Variants in CSMD1 observed in about 807,000 individuals in gnomAD.
CSMD1 encodes CUB and Sushi multiple domains 1.
CSMD1 carries 213 observed loss-of-function variants against 417.5 expected under a neutral mutation model. The ratio of observed to expected loss-of-function variants is 0.51; its 90% CI spans 0.46 to 0.57. The LOEUF (loss-of-function observed/expected upper bound fraction) is 0.57. CSMD1 is among the 20% of genes least tolerant of loss of function. The probability of loss-of-function intolerance (pLI) is 0.00; values close to 1 mark genes in which losing one functional copy is unlikely to be tolerated. For missense variants in CSMD1, 6,923 were observed against 4,529.7 expected (o/e 1.53, Z -15.17); for synonymous variants, 2,862 against 1,736.8 (o/e 1.65, Z -16.11).
At chr8:4,501,931 C>G (rs892164692) in intron 2 of CSMD1, among the ~76,000 whole-genome samples, 6 of 151,978 alleles carry the variant, frequency 3.9e-5, no homozygotes, top group Admixed American at 2.6e-4. Context: ...GGAACATACC[C>G]CCCTAGAATA....
chr8:3,226,758 G>A (rs1203442327), intron 27 of CSMD1, among the ~76,000 whole-genome samples: 2 of 152,020 alleles, frequency 1.3e-5, no homozygotes, highest in African/African-American at 4.8e-5. Context: ...CAACAGCAAT[G>A]GCAGGTGTTG....
At chr8:4,362,028 G>T (rs1353258296) in intron 3 of CSMD1, among the ~76,000 whole-genome samples, 1 of 151,954 alleles carries the variant, frequency 6.6e-6, no homozygotes, top group Non-Finnish European at 1.5e-5. Flanking sequence ...AGCAAGACAA[G>T]GATTAGAGGT....
intron 54 of CSMD1, 118 bp downstream of exon 54, chr8:2,997,893 A>G: frequency 3.2e-6 from 3 of 929,660 alleles, no homozygotes; most frequent in South Asian, 2.1e-5. Context: ...GAATGGTGAG[A>G]GTTTGCAGAA....
intron 3 of CSMD1, among the ~76,000 whole-genome samples, chr8:4,203,060 A>C (rs1799756363): frequency 6.6e-6 from 1 of 152,234 alleles, no homozygotes; most frequent in South Asian, 2.1e-4. Context: ...TGTGAGAGTT[A>C]AGGATTTTGA....
At chr8:3,836,294 A>G (rs1328087574) in intron 5 of CSMD1, among the ~76,000 whole-genome samples, 1 of 152,180 alleles carries the variant, frequency 6.6e-6, no homozygotes, top group Non-Finnish European at 1.5e-5. Context: ...TGAAGCTTGT[A>G]ACAAGTCAAA....
chr8:4,316,497 C>A lies in CSMD1; in HGVS notation c.415+103456G>T, dbSNP rs183148531. ...AAAACCTCAACGATTTTTGCACCAA[C>A]CTATACAAATAGAACTATTATTCCA... On this transcript the variant is annotated intron_variant, in intron 3 of 69. Transcript: ENST00000635120. Among the ~76,000 whole-genome samples the A allele has an allele frequency of 1.4e-3, 208 of 152,064 alleles. 2 individuals are homozygous for A. The highest frequency in any genetic ancestry group is 4.8e-3 in the African/African-American group (197 of 41,472).
intron 3 of CSMD1, among the ~76,000 whole-genome samples, chr8:4,120,900 T>G (rs1802449904): frequency 6.6e-6 from 1 of 152,116 alleles, no homozygotes; most frequent in Non-Finnish European, 1.5e-5. Flanking sequence ...ACCATGGAAT[T>G]TATTTAGGAA....
At chr8:4,822,900 C>T (rs1004645249) in intron 1 of CSMD1, among the ~76,000 whole-genome samples, 3 of 152,108 alleles carry the variant, frequency 2.0e-5, no homozygotes, top group African/African-American at 7.2e-5. Context: ...GAGAAGTGCA[C>T]TGTGTACTTT....
chr8:4,758,317 T>C (rs1287295419), intron 1 of CSMD1, among the ~76,000 whole-genome samples: 3 of 152,238 alleles, frequency 2.0e-5, no homozygotes, highest in African/African-American at 7.2e-5. Context: ...CTTAATTCGC[T>C]GGTTCTGATT....
intron 7 of CSMD1, among the ~76,000 whole-genome samples, chr8:3,667,896 T>C (rs958688728): frequency 6.6e-6 from 1 of 152,108 alleles, no homozygotes; most frequent in Non-Finnish European, 1.5e-5. Flanking sequence ...GGCCAGATCA[T>C]CAAAGACTCT....
chr8:4,351,912 G>C (rs900557232), intron 3 of CSMD1, among the ~76,000 whole-genome samples: 4 of 149,488 alleles, frequency 2.7e-5, no homozygotes, highest in African/African-American at 9.9e-5. Context: ...CCAAACTGTA[G>C]AAACACTGAC....
chr8:3,040,378 A>G (rs985915943), intron 50 of CSMD1, among the ~76,000 whole-genome samples: 3 of 111,866 alleles, frequency 2.7e-5, no homozygotes, highest in Non-Finnish European at 5.5e-5. Context: ...GATAGCATAT[A>G]CACATTGAAA....
At chr8:3,169,116 G>C (rs1467806751) in intron 37 of CSMD1, among the ~76,000 whole-genome samples, 1 of 152,162 alleles carries the variant, frequency 6.6e-6, no homozygotes, top group Non-Finnish European at 1.5e-5. Context: ...CAGATGGTAA[G>C]TAATGTATTC....
At chr8:4,422,735 AG>A (rs1797319439) in intron 2 of CSMD1, among the ~76,000 whole-genome samples, 2 of 152,172 alleles carry the variant, frequency 1.3e-5, no homozygotes, top group South Asian at 2.1e-4. Context: ...CACAGAAAAA[AG>A]AAAAATAAAA....
chr8:4,937,784 G>GCACACA (rs112025933), intron 1 of CSMD1, among the ~76,000 whole-genome samples: 2 of 149,530 alleles, frequency 1.3e-5, no homozygotes, highest in Non-Finnish European at 3.0e-5. Context: ...AGTGGCGCGT[G>GCACACA]CACACACACA....
chr8:3,766,837 A>G (rs893524140), intron 5 of CSMD1, among the ~76,000 whole-genome samples: 4 of 152,250 alleles, frequency 2.6e-5, no homozygotes, highest in Non-Finnish European at 5.9e-5. Flanking sequence ...AGAGCCTGAA[A>G]TGAGTCTACC....
chr8:3,941,811 G>C (rs1328771065), intron 5 of CSMD1, among the ~76,000 whole-genome samples: 1 of 151,992 alleles, frequency 6.6e-6, no homozygotes, highest in East Asian at 1.9e-4. Flanking sequence ...CATACGCAAG[G>C]AAAAATAAAA....
chr8:4,389,131 G>T (rs908083455), intron 3 of CSMD1, among the ~76,000 whole-genome samples: 1 of 152,216 alleles, frequency 6.6e-6, no homozygotes, highest in African/African-American at 2.4e-5. Context: ...AATATTAAGT[G>T]TATCTGTTCT....
Position 4,157,528 on chromosome 8 carries a change from C to G in CSMD1, c.416-125429G>C, listed in dbSNP as rs1004391872. On this transcript the variant is annotated intron_variant, in intron 3 of 69. Transcript: ENST00000635120. ...GCTCAAAGAACTGGTTAAAGCAGCT[C>G]TAGCTACCTCTAGTCAATGACTGTG... Among the ~76,000 whole-genome samples the G allele has an allele frequency of 5.3e-5, 8 of 152,298 alleles. No homozygotes were observed. The East Asian group carries it at 5.8e-4, about 11-fold the overall frequency.
Sources: gnomAD v4.1 joint callset for allele counts (sites outside exome capture counted in the v4.1 genomes callset) on GRCh38, gnomAD v4.1.1 for gene constraint, MANE v1.5 for transcripts, NCBI Gene and HGNC (gene_info 2026-07-23, HGNC 2026-07-21) for gene names.